STARD13: variants seen among roughly 807,000 people sequenced by gnomAD.
The protein encoded by STARD13 is StAR related lipid transfer domain containing 13.
In STARD13, 62 loss-of-function variants were observed where a neutral mutation model predicts 106.4. The observed-to-expected ratio is 0.58, with a 90% CI of 0.48 to 0.72. The LOEUF (loss-of-function observed/expected upper bound fraction) is 0.72. STARD13 is among the 30% of genes least tolerant of loss of function. The pLI is 0.00. For synonymous variants in STARD13, 565 were observed against 553.0 expected (o/e 1.02, Z -0.31); for missense variants, 1,387 against 1,424.0 (o/e 0.97, Z 0.42).
rs74869308 is a variant in STARD13 at position 33,169,019 on chromosome 13, G to A, written c.170-1397C>T. Among the ~76,000 whole-genome samples the A allele has an allele frequency of 6.7e-3, 1,016 of 152,290 alleles. 13 individuals are homozygous for A. Among genetic ancestry groups the A allele is most frequent in the African/African-American group, 0.023 (970 of 41,538 alleles). ...CATCCCCTAATCTACTGTTACTCCAGGGACTGATGATTTCAAAAGCTTGAG... is the reference window on the plus strand; with the variant it reads ...CATCCCCTAATCTACTGTTACTCCAAGGACTGATGATTTCAAAAGCTTGAG... On this transcript the variant is annotated intron_variant, in intron 1 of 13. Transcript: ENST00000336934.
intron 1 of STARD13, among the ~76,000 whole-genome samples, chr13:33,244,895 C>A (rs971784925): frequency 6.6e-6 from 1 of 152,150 alleles, no homozygotes; most frequent in African/African-American, 2.4e-5. Context: ...TTGTTTTCAG[C>A]CATTAAATTT....
intron 1 of STARD13, among the ~76,000 whole-genome samples, chr13:33,243,205 C>T (rs1889621367): frequency 6.6e-6 from 1 of 152,208 alleles, no homozygotes; most frequent in East Asian, 1.9e-4. Context: ...GCTACCCCTC[C>T]TTTAAATACC....
intron 1 of STARD13, among the ~76,000 whole-genome samples, chr13:33,242,182 G>A (rs961781082): frequency 1.8e-4 from 27 of 152,142 alleles, no homozygotes; most frequent in African/African-American, 5.8e-4. Flanking sequence ...GAGCCCCTCC[G>A]CCCAGCAGCC....
the STARD13 span, among the ~76,000 whole-genome samples, chr13:33,396,437 C>T: frequency 6.6e-6 from 1 of 152,208 alleles, no homozygotes; most frequent in African/African-American, 2.4e-5. Context: ...TCTAGTGACT[C>T]TTCATTCACC....
Position 33,129,367 on chromosome 13 carries a change from T to A in STARD13, c.1310A>T (p.Gln437Leu). ...CCGGGGCTCCCTGGCACCAGGGACC[T>A]GCTCTCTGCCCAGGGAGATGCTACC... The part of the protein sequence containing the change: ...RTGSISLGRE[Q>L]VPGAREPRLM... Residue 437 changes from glutamine (Q) to leucine (L), a missense_variant, in exon 5 of 14, where the codon CAG (glutamine) becomes CTG (leucine). Coordinates refer to ENST00000336934, the MANE Select transcript of STARD13 (RefSeq NM_178006.4). 1 of 1,614,186 alleles carries A rather than the reference T, an allele frequency of 6.2e-7. No homozygotes were observed. Among genetic ancestry groups the A allele is most frequent in the Non-Finnish European group, 8.5e-7 (1 of 1,180,028 alleles).
chr13:33,194,120 C>T (rs1222575975), intron 1 of STARD13, among the ~76,000 whole-genome samples: 2 of 152,128 alleles, frequency 1.3e-5, no homozygotes, highest in Admixed American at 1.3e-4. Context: ...TAGGTAGATG[C>T]ATACTCTTCT....
chr13:33,430,169 G>A, the STARD13 span, among the ~76,000 whole-genome samples: 20 of 152,238 alleles, frequency 1.3e-4, no homozygotes, highest in East Asian at 2.5e-3. Flanking sequence ...CACCCGCCTC[G>A]GCCTCCCAAA....
In STARD13 at chr13:33,203,786, T is replaced by C. The variant is rs547662665; in HGVS notation, c.170-36164A>G. On this transcript the variant is annotated intron_variant, in intron 1 of 13. Coordinates refer to ENST00000336934, the MANE Select transcript of STARD13 (RefSeq NM_178006.4). ...TAGAATTTTGTTTTTAATTTTGTTT[T>C]AACTTTAAAGGCTAAAGTTTTTAGC... Among the ~76,000 whole-genome samples, 22 of 152,352 alleles carry C rather than the reference T, an allele frequency of 1.4e-4. No individual in the cohort carries two copies. In the East Asian group the frequency reaches 3.9e-3, roughly 27 times the overall value.
the STARD13 span, among the ~76,000 whole-genome samples, chr13:33,676,117 A>G: frequency 6.6e-6 from 1 of 152,196 alleles, no homozygotes; most frequent in South Asian, 2.1e-4. Flanking sequence ...AATCACAGGA[A>G]ACTGGACTGT....
intron 1 of STARD13, among the ~76,000 whole-genome samples, chr13:33,252,197 G>T (rs1890124416): frequency 6.6e-6 from 1 of 152,160 alleles, no homozygotes; most frequent in Non-Finnish European, 1.5e-5. Context: ...CAGCTCAGAG[G>T]CTGCCCTTTA....
At position 33,105,235 on chromosome 13, in the gene STARD13, C is replaced by T. The variant is rs904694180; in HGVS notation, c.*358G>A. ...TATATACAGTAAAGATGGAGATATA[C>T]ACACATATGTACATATGCTATACAT... On this transcript the variant is annotated 3_prime_UTR_variant, in exon 14 of 14. Transcript: ENST00000336934. 1.7e-5 allele frequency: 3 copies of T among 178,610 alleles called. No homozygotes were observed. In the East Asian group the frequency reaches 4.1e-4, roughly 25 times the overall value. The allele number at this position is 178,610 out of a possible 1,614,324, so 11.1% of individuals were successfully genotyped here.
intron 12 of STARD13, among the ~76,000 whole-genome samples, chr13:33,108,022 G>A (rs951636525): frequency 3.3e-5 from 5 of 152,194 alleles, no homozygotes; most frequent in African/African-American, 9.7e-5. Flanking sequence ...AATGCTCAGC[G>A]ACTTCCATGC....
At chr13:33,318,166 C>A (rs9569315) in intron 1 of STARD13, among the ~76,000 whole-genome samples, 43,531 of 152,066 alleles carry the variant, frequency 0.29, 6,859 homozygotes, top group East Asian at 0.7. Flanking sequence ...TAGTATCACC[C>A]TCAGTTTATA....
chr13:33,594,427 A>T, the STARD13 span, among the ~76,000 whole-genome samples: 1 of 152,340 alleles, frequency 6.6e-6, no homozygotes, highest in South Asian at 2.1e-4. Flanking sequence ...AGGATGATCT[A>T]CTAAAACCAT....
intron 1 of STARD13, among the ~76,000 whole-genome samples, chr13:33,178,483 G>A (rs1884928487): frequency 6.6e-6 from 1 of 152,134 alleles, no homozygotes; most frequent in African/African-American, 2.4e-5. Context: ...TCTGGATTAA[G>A]ACACATCTCA....
At chr13:33,410,750 T>TCTAGAAC in the STARD13 span, among the ~76,000 whole-genome samples, 1 of 152,222 alleles carries the variant, frequency 6.6e-6, no homozygotes, top group Non-Finnish European at 1.5e-5. Context: ...TGCCCTGCGT[T>TCTAGAAC]CATCTTTTTC....
chr13:33,275,296 T>G (rs1891368970), intron 1 of STARD13, among the ~76,000 whole-genome samples: 1 of 152,242 alleles, frequency 6.6e-6, no homozygotes, highest in African/African-American at 2.4e-5. Context: ...ACAAAGTGTA[T>G]AACTTACTCA....
At chr13:33,305,191 A>G (rs1248371545) in intron 1 of STARD13, among the ~76,000 whole-genome samples, 1 of 152,174 alleles carries the variant, frequency 6.6e-6, no homozygotes, top group East Asian at 1.9e-4. Context: ...AGCAGTCCCA[A>G]GCTTTTGATG....
the STARD13 span, among the ~76,000 whole-genome samples, chr13:33,538,463 T>C: frequency 1.3e-5 from 2 of 152,032 alleles, no homozygotes; most frequent in Admixed American, 1.3e-4. Context: ...ACCTCAGGAG[T>C]AAGAAAGAAC....
Sources: allele counts gnomAD v4.1 joint callset (sites outside exome capture counted in the v4.1 genomes callset), GRCh38; gene constraint gnomAD v4.1.1; transcripts MANE v1.5; gene names NCBI Gene and HGNC (gene_info 2026-07-23, HGNC 2026-07-21).